Variants in TOR1AIP1 observed in about 807,000 individuals in gnomAD.
The protein encoded by TOR1AIP1 is torsin-1A-interacting protein 1.
TOR1AIP1 carries 54 observed loss-of-function variants against 63.3 expected under a neutral mutation model. That is an observed-to-expected ratio of 0.85 (90% CI 0.69 to 1.07). The LOEUF (loss-of-function observed/expected upper bound fraction) is 1.07. Ranked by LOEUF, TOR1AIP1 falls within the 50% of genes least tolerant of loss-of-function variation. The pLI is 0.00. For missense variants in TOR1AIP1, 736 were observed against 715.0 expected, an observed-to-expected ratio of 1.03 and a Z score of -0.33; for synonymous variants, 294 against 273.5, an observed-to-expected ratio of 1.07 and a Z score of -0.74.
intron 6 of TOR1AIP1, among the ~76,000 whole-genome samples, chr1:179,907,593 T>TTATATATATATATATATATATATATA (rs55752745): frequency 9.7e-4 from 61 of 63,180 alleles, no homozygotes; most frequent in South Asian, 7.5e-3. Flanking sequence ...CACACACACT[T>TTATATATATATATATATATATATATA]TATATATATA....
chr1:179,909,470 G>T (rs903091871), intron 8 of TOR1AIP1, among the ~76,000 whole-genome samples: 1 of 151,738 alleles, frequency 6.6e-6, no homozygotes, highest in Admixed American at 6.6e-5. Flanking sequence ...GAGTACAGTG[G>T]TGCAACCTCA....
At position 179,908,065 on chromosome 1, in the gene TOR1AIP1, C is replaced by T. The variant is rs185638265; in HGVS notation, c.838+201C>T. Among the ~76,000 whole-genome samples the T allele has an allele frequency of 6.5e-3, 986 of 151,912 alleles. 12 individuals carry two copies. Among genetic ancestry groups the T allele is most frequent in the African/African-American group, 0.023 (957 of 41,420 alleles). On this transcript the variant is annotated intron_variant, in intron 7 of 9. Coordinates refer to ENST00000606911, the MANE Select transcript of TOR1AIP1 (RefSeq NM_015602.4). Reference sequence around the variant, plus strand: ...CTGGGACTACAGGCGCCCGCCACCACGCCCGGCTAATTTTTTGTATTTTTA... The same window carrying T: ...CTGGGACTACAGGCGCCCGCCACCATGCCCGGCTAATTTTTTGTATTTTTA...
At position 179,883,013 on chromosome 1, in the gene TOR1AIP1, C is replaced by T. The variant is rs752701213; in HGVS notation, c.475+36C>T. ...CGGAGGTAACAGTCCCAGCCGCGAG[C>T]CAGGGAACGCGCGGGGGCGGGCGCG... On this transcript the variant is annotated intron_variant, in intron 1 of 9. Transcript: ENST00000606911. 7.0e-6 allele frequency: 11 copies of T among 1,575,654 alleles called. 1 individual carries two copies. The Admixed American group carries it at 1.8e-4, about 26-fold the overall frequency.
At chr1:179,898,039 T>C (rs1571728648) in intron 3 of TOR1AIP1, among the ~76,000 whole-genome samples, 1 of 151,606 alleles carries the variant, frequency 6.6e-6, no homozygotes, top group Non-Finnish European at 1.5e-5. Flanking sequence ...GAGGGAGGGG[T>C]TGCAGTGAGC....
rs748527858 is a variant in TOR1AIP1 at position 179,917,470 on chromosome 1, A to G, written c.983A>G (p.Gln328Arg). 6.2e-6 allele frequency: 10 copies of G among 1,612,504 alleles called. No homozygotes were observed. In the Admixed American group the frequency reaches 1.7e-4, roughly 27 times the overall value. Reference sequence around the variant, plus strand: ...TGAGTAGAAGTGACTGGACAACCCCAAAATGCATCTTTTGTCAAGAGGAAC... The same window carrying G: ...TGAGTAGAAGTGACTGGACAACCCCGAAATGCATCTTTTGTCAAGAGGAAC... ...TSSRQVTGQPQNASFVKRNRW... is the reference protein window; with the variant it reads ...TSSRQVTGQPRNASFVKRNRW... The change falls in exon 10 of 10, where the codon CAA becomes CGA. Residue 328 changes from glutamine to arginine, a missense_variant. Gln to Arg is a conservative substitution (Grantham distance 43). Transcript: ENST00000606911.
chr1:179,918,653 C>T lies in TOR1AIP1; in HGVS notation c.*414C>T, dbSNP rs531814. The T allele has an allele frequency of 0.46, 75,476 of 163,266 alleles. 21,272 individuals are homozygous for T. The highest frequency in any genetic ancestry group is 0.7 in the East Asian group (3,892 of 5,540). 10.1% of individuals were successfully genotyped at this position (163,266 alleles called of 1,614,324 possible). A position where few individuals can be genotyped will look rare whatever the true frequency, so the allele number is the denominator to read the frequency against. ...CTCCCTAAATGTAACCAGGGATTTT[C>T]CCATTATGTTCCCTTTTATACCATT... On this transcript the variant is annotated 3_prime_UTR_variant, in exon 10 of 10. Transcript: ENST00000606911.
intron 6 of TOR1AIP1, among the ~76,000 whole-genome samples, chr1:179,906,119 A>ATATATCT (rs1648626763): frequency 6.6e-6 from 1 of 152,240 alleles, no homozygotes. Flanking sequence ...TAATTAAAAG[A>ATATATCT]TATATCTGTA....
At chr1:179,883,057 G>A in intron 1 of TOR1AIP1, 80 bp downstream of exon 1, 1 of 1,272,772 alleles carries the variant, frequency 7.9e-7, no homozygotes, top group Non-Finnish European at 1.1e-6. Flanking sequence ...TGGAGCTCAT[G>A]CCCGCCTGGG....
chr1:179,895,273 A>G (rs1330266346), intron 3 of TOR1AIP1, among the ~76,000 whole-genome samples: 1 of 152,190 alleles, frequency 6.6e-6, no homozygotes, highest in Non-Finnish European at 1.5e-5. Flanking sequence ...TTAATTCTCA[A>G]AGCTTCTGTA....
intron 3 of TOR1AIP1, among the ~76,000 whole-genome samples, chr1:179,891,449 C>G (rs1648075311): frequency 6.6e-6 from 1 of 152,030 alleles, no homozygotes; most frequent in Non-Finnish European, 1.5e-5. Context: ...GTTTCAAACT[C>G]CCTGACCTTG....
At chr1:179,914,179 G>A in intron 9 of TOR1AIP1, 125 bp downstream of exon 9, 1 of 838,124 alleles carries the variant, frequency 1.2e-6, no homozygotes, top group Non-Finnish European at 1.9e-6. Flanking sequence ...TTAAGCACTT[G>A]AGAGGAAAAA....
Position 179,904,195 on chromosome 1 carries a change from T to C in TOR1AIP1, c.796+173T>C, listed in dbSNP as rs182073613. Among the ~76,000 whole-genome samples, 24 of 152,356 alleles carry C rather than the reference T, an allele frequency of 1.6e-4. 1 individual carries two copies. The East Asian group carries it at 4.4e-3, about 28-fold the overall frequency. On this transcript the variant is annotated intron_variant, in intron 6 of 9. Transcript: ENST00000606911. ...CACTTGACCTTGCTTATTGAGTTATTATTCTCTATACCCAAACCTGAATTT... is the reference window on the plus strand; with the variant it reads ...CACTTGACCTTGCTTATTGAGTTATCATTCTCTATACCCAAACCTGAATTT...
At chr1:179,884,860 G>C (rs1193517791) in intron 2 of TOR1AIP1, 91 bp downstream of exon 2, 2 of 949,302 alleles carry the variant, frequency 2.1e-6, no homozygotes, top group African/African-American at 3.4e-5. Flanking sequence ...GTAAAGAAAA[G>C]ACAAGGGCAG....
chr1:179,899,711 C>T (rs145243360), intron 3 of TOR1AIP1, among the ~76,000 whole-genome samples: 2,143 of 152,254 alleles, frequency 0.014, 27 homozygotes, highest in Middle Eastern at 0.038. Context: ...GTGGCGCGAT[C>T]TCGGCTCACT....
rs1434448637 is a variant in TOR1AIP1, at chr1:179,916,698, T to TGCA, written c.965-754_965-753insGCA. Among the ~76,000 whole-genome samples, 9 of 108,388 alleles carry TGCA rather than the reference T, an allele frequency of 8.3e-5. No individual in the cohort carries two copies. The East Asian group carries it at 2.6e-3, about 31-fold the overall frequency. 71.1% of individuals were successfully genotyped at this position (108,388 alleles called of 152,430 possible). ...AGATGTTCATTTATATTGCATCCTTTTCTTTTTTTTTTTTTTTTTTTTTGA... is the reference window on the plus strand; with the variant it reads ...AGATGTTCATTTATATTGCATCCTTTGCATCTTTTTTTTTTTTTTTTTTTTTGA... On this transcript the variant is annotated intron_variant, in intron 9 of 9. Transcript: ENST00000606911.
chr1:179,892,595 G>A (rs1012576086), intron 3 of TOR1AIP1, among the ~76,000 whole-genome samples: 24 of 151,888 alleles, frequency 1.6e-4, no homozygotes, highest in Non-Finnish European at 3.1e-4. Flanking sequence ...AAAATTAGCC[G>A]GGCATCGTGG....
At position 179,889,302 on chromosome 1, in the gene TOR1AIP1, T is replaced by G. The variant is rs772306082; in HGVS notation, c.554-11T>G. 3 of 1,578,810 alleles carry G rather than the reference T, an allele frequency of 1.9e-6. No homozygotes were observed. The East Asian group carries it at 6.7e-5, about 35-fold the overall frequency. On this transcript the variant is annotated splice_polypyrimidine_tract_variant and intron_variant, in intron 2 of 9. Coordinates refer to ENST00000606911, the MANE Select transcript of TOR1AIP1 (RefSeq NM_015602.4). Reference sequence around the variant, plus strand: ...TATATTTTTAAATGTTTTCTCTTCCTATATTAGCAGTGAGTGAAGATCTTG... The same window carrying G: ...TATATTTTTAAATGTTTTCTCTTCCGATATTAGCAGTGAGTGAAGATCTTG...
At chr1:179,884,120 C>T (rs1284404477) in intron 1 of TOR1AIP1, 1 of 158,352 alleles carries the variant, frequency 6.3e-6, no homozygotes, top group Admixed American at 6.2e-5. Flanking sequence ...CAGTTTAGCC[C>T]ATATATGTGT....
chr1:179,882,844 G>A lies in TOR1AIP1; in HGVS notation c.342G>A (p.Pro114=). 1 of 1,614,164 alleles carries A rather than the reference G, an allele frequency of 6.2e-7. No homozygotes were observed. The highest frequency in any genetic ancestry group is 8.5e-7 in the Non-Finnish European group (1 of 1,180,022). The change falls in exon 1 of 10, where the codon CCG becomes CCA. Residue 114 remains proline, a synonymous_variant. Transcript: ENST00000606911. ...YYLRSRQRRQ[P]RPQETEEMKT... is the part of the protein sequence containing the mutation. ...TTCGGTCTAGGCAGCGGAGGCAGCC[G>A]CGACCCCAGGAAACCGAGGAAATGA...
Sources: allele counts gnomAD v4.1 joint callset (sites outside exome capture counted in the v4.1 genomes callset), GRCh38; gene constraint gnomAD v4.1.1; transcripts MANE v1.5; gene names NCBI Gene and HGNC (gene_info 2026-07-23, HGNC 2026-07-21).